The following CES1 variants were observed in gnomAD, a reference collection of about 807,000 sequenced individuals.
CES1 encodes the protein carboxylesterase 1.
CES1 carries 50 observed loss-of-function variants against 53.0 expected under a neutral mutation model. The observed-to-expected ratio is 0.94, with a 90% CI of 0.75 to 1.19. The LOEUF is 1.19. Ranked by LOEUF, CES1 falls within the 50% of genes most tolerant of loss-of-function variation. CES1 has a pLI of 0.00. For synonymous variants in CES1, 202 were observed against 210.1 expected (o/e 0.96, Z 0.33); for missense variants, 534 against 538.0 (o/e 0.99, Z 0.07).
At chr16:55,813,403 C>T (rs1282224420) in intron 8 of CES1, among the ~76,000 whole-genome samples, 3 of 152,242 alleles carry the variant, frequency 2.0e-5, no homozygotes, top group South Asian at 2.1e-4. Flanking sequence ...GATAAAGCCC[C>T]CGTGAGTACT....
At chr16:55,827,525 A>T (rs1183899398) in intron 2 of CES1, among the ~76,000 whole-genome samples, 9 of 152,220 alleles carry the variant, frequency 5.9e-5, no homozygotes, top group Middle Eastern at 6.8e-3. Context: ...GAGGGAAATC[A>T]AACAAGAAAT....
At chr16:55,814,117 C>T (rs529297906) in intron 8 of CES1, among the ~76,000 whole-genome samples, 46 of 152,294 alleles carry the variant, frequency 3.0e-4, no homozygotes, top group African/African-American at 4.3e-4. Context: ...TATTGATCCA[C>T]GGGTGGCTTT....
chr16:55,832,852 A>AGCTG (rs1260113489), intron 1 of CES1, 152 bp downstream of exon 1: 10 of 802,392 alleles, frequency 1.2e-5, no homozygotes, highest in Non-Finnish European at 2.2e-6. Context: ...GGCCGGGCTC[A>AGCTG]GCTGCTCCAA....
In CES1 at chr16:55,827,188, C is replaced by G. The variant is rs62028641; in HGVS notation, c.261-893G>C. Among the ~76,000 whole-genome samples, 140 of 152,000 alleles carry G rather than the reference C, an allele frequency of 9.2e-4. 1 individual carries two copies. Among genetic ancestry groups the G allele is most frequent in the African/African-American group, 2.6e-3 (107 of 41,436 alleles). ...ACTCAGACTCTGGGATGACACAGCT[C>G]TCAAGTGACAGAATCAGAGCCAGCA... On this transcript the variant is annotated intron_variant, in intron 2 of 13. Coordinates refer to ENST00000360526, the MANE Select transcript of CES1 (RefSeq NM_001025195.2).
intron 11 of CES1, among the ~76,000 whole-genome samples, chr16:55,809,687 A>G (rs1257524811): frequency 6.6e-6 from 1 of 152,164 alleles, no homozygotes; most frequent in East Asian, 1.9e-4. Context: ...GCCATTCTAC[A>G]GACCACCTCT....
chr16:55,824,100 T>C (rs1364657893), intron 3 of CES1, among the ~76,000 whole-genome samples: 11 of 152,204 alleles, frequency 7.2e-5, no homozygotes, highest in Admixed American at 4.6e-4. Context: ...TAACTATCTC[T>C]TGGTGAAGTA....
At chr16:55,810,717 C>T in intron 10 of CES1, 53 bp from the exon 11 acceptor site, 1 of 1,600,848 alleles carries the variant, frequency 6.2e-7, no homozygotes, top group South Asian at 1.1e-5. Flanking sequence ...TGCAGCTTCT[C>T]CAGCCCACCA....
intron 1 of CES1, among the ~76,000 whole-genome samples, chr16:55,830,561 G>A (rs1214871367): frequency 6.6e-5 from 10 of 152,144 alleles, no homozygotes; most frequent in African/African-American, 2.4e-4. Context: ...CCAGCACTTT[G>A]GGAGGCCAAG....
intron 3 of CES1, 51 bp downstream of exon 3, chr16:55,826,100 A>G (rs763487459): frequency 4.3e-6 from 7 of 1,612,268 alleles, no homozygotes; most frequent in Non-Finnish European, 5.9e-6. Context: ...GCCCCAGAAG[A>G]TGCGGGGTAC....
chr16:55,813,757 G>A (rs28516466), intron 8 of CES1, among the ~76,000 whole-genome samples: 84,966 of 139,204 alleles, frequency 0.61, 25,147 homozygotes, highest in Non-Finnish European at 0.71. Flanking sequence ...GCTCAGGAAC[G>A]CCAGACAGCA....
chr16:55,819,509 T>C (rs2032081800), intron 7 of CES1, 26 bp downstream of exon 7: 2 of 1,546,010 alleles, frequency 1.3e-6, no homozygotes, highest in African/African-American at 1.4e-5. Flanking sequence ...TTTACAGGGT[T>C]TGGGCTACGG....
intron 2 of CES1, chr16:55,827,758 T>A (rs1438177218): frequency 6.6e-6 from 1 of 152,226 alleles, no homozygotes; most frequent in Non-Finnish European, 1.5e-5. Context: ...ATTATGCTCA[T>A]GATATACTTA....
chr16:55,821,247 G>T, intron 5 of CES1, 121 bp downstream of exon 5: 1 of 1,331,304 alleles, frequency 7.5e-7, no homozygotes, highest in Non-Finnish European at 1.1e-6. Context: ...CTGTGAGTAG[G>T]GCCAGTCCTG....
chr16:55,813,188 G>C, intron 8 of CES1, 145 bp from the exon 9 acceptor site: 5 of 1,130,552 alleles, frequency 4.4e-6, no homozygotes, highest in Admixed American at 1.9e-5. Flanking sequence ...CTAACTTAGG[G>C]GGGTAGGTCT....
intron 3 of CES1, 146 bp downstream of exon 3, chr16:55,826,005 G>C: frequency 1.9e-6 from 2 of 1,039,202 alleles, no homozygotes; most frequent in Non-Finnish European, 3.0e-6. Flanking sequence ...GAAAACCAGT[G>C]TTTCCTGTGG....
chr16:55,821,451 C>T lies in CES1; in HGVS notation c.610G>A (p.Asp204Asn). 3 of 1,614,194 alleles carry T rather than the reference C, an allele frequency of 1.9e-6. No individual in the cohort carries two copies. Among genetic ancestry groups the T allele is most frequent in the South Asian group, 1.1e-5 (1 of 91,084 alleles). ...DQVAALRWVQ[D>N]NIASFGGNPG... is the part of the protein sequence containing the mutation. The stretch of plus-strand genomic sequence containing the variant: ...TTCCCTCCAAAGCTGGCAATGTTGT[C>T]CTGGACCCAGCGCAGGGCAGCCACC... The change falls in exon 5 of 14, where the codon GAC becomes AAC. Residue 204 changes from aspartate (D) to asparagine (N), a missense_variant. Coordinates refer to ENST00000360526, the MANE Select transcript of CES1 (RefSeq NM_001025195.2).
intron 9 of CES1, among the ~76,000 whole-genome samples, chr16:55,811,667 C>T (rs578128302): frequency 6.6e-6 from 1 of 152,330 alleles, no homozygotes; most frequent in East Asian, 1.9e-4. Context: ...ATTTACTCTG[C>T]TCCAGCCAAA....
intron 5 of CES1, 55 bp downstream of exon 5, chr16:55,821,313 G>A (rs1263619217): frequency 5.0e-6 from 8 of 1,607,332 alleles, no homozygotes; most frequent in Admixed American, 1.7e-5. Flanking sequence ...TGTCCAAGAG[G>A]TCTCATCAGC....
chr16:55,823,248 T>C (rs1379102681), intron 4 of CES1, among the ~76,000 whole-genome samples: 10 of 151,902 alleles, frequency 6.6e-5, no homozygotes, highest in Non-Finnish European at 1.2e-4. Flanking sequence ...TGGAGAAACA[T>C]AGGTGAAGAG....
Sources: allele counts gnomAD v4.1 joint callset (sites outside exome capture counted in the v4.1 genomes callset), GRCh38; gene constraint gnomAD v4.1.1; transcripts MANE v1.5; gene names NCBI Gene and HGNC (gene_info 2026-07-23, HGNC 2026-07-21).